The following MARCHF1 variants were observed in gnomAD, a reference collection of about 807,000 sequenced individuals.
MARCHF1 encodes E3 ubiquitin-protein ligase MARCHF1.
MARCHF1 carries 40 observed loss-of-function variants against 54.2 expected under a neutral mutation model. The observed-to-expected ratio is 0.74, with a 90% CI of 0.57 to 0.96. MARCHF1 has a LOEUF of 0.96. MARCHF1 is among the 40% of genes least tolerant of loss of function. MARCHF1 has a pLI of 0.00. For missense variants in MARCHF1, 586 were observed against 656.5 expected (o/e 0.89, Z 1.17); for synonymous variants, 236 against 236.3 (o/e 1.00, Z 0.01).
intron 2 of MARCHF1, among the ~76,000 whole-genome samples, chr4:164,069,349 A>G (rs56369620): frequency 0.74 from 112,389 of 152,090 alleles, 41,984 homozygotes; most frequent in Non-Finnish European, 0.79. Context: ...ACCCACTTGG[A>G]TCCCCTTCCA....
intron 2 of MARCHF1, among the ~76,000 whole-genome samples, chr4:164,101,958 G>C (rs1437112026): frequency 6.9e-6 from 1 of 145,248 alleles, no homozygotes; most frequent in Non-Finnish European, 1.5e-5. Flanking sequence ...CGAGAACTAC[G>C]TGAAGAATGC....
At chr4:163,702,419 A>G (rs1043910715) in intron 4 of MARCHF1, among the ~76,000 whole-genome samples, 8 of 152,188 alleles carry the variant, frequency 5.3e-5, no homozygotes, top group African/African-American at 1.9e-4. Flanking sequence ...GTCACATAAT[A>G]TAATAGGCTT....
intron 1 of MARCHF1, among the ~76,000 whole-genome samples, chr4:164,222,117 C>G (rs1732130615): frequency 6.6e-6 from 1 of 151,896 alleles, no homozygotes; most frequent in African/African-American, 2.4e-5. Flanking sequence ...AAGTGCCTTT[C>G]AAATTAATTC....
chr4:163,831,118 G>A lies in MARCHF1; in HGVS notation c.111+22903C>T, dbSNP rs369049860. On this transcript the variant is annotated intron_variant, in intron 4 of 9. Coordinates refer to ENST00000514618, the MANE Select transcript of MARCHF1 (RefSeq NM_001394959.1). ...AAAAATTTCTTCTGTCTTTCCTATG[G>A]CTAAATTCTCTTCGTAACTGACTCC... Among the ~76,000 whole-genome samples, 19 of 152,256 alleles carry A rather than the reference G, an allele frequency of 1.2e-4. 1 individual carries two copies. Among genetic ancestry groups the A allele is most frequent in the African/African-American group, 4.6e-4 (19 of 41,552 alleles).
intron 1 of MARCHF1, among the ~76,000 whole-genome samples, chr4:164,300,112 A>T (rs1734515078): frequency 6.6e-6 from 1 of 152,132 alleles, no homozygotes; most frequent in Non-Finnish European, 1.5e-5. Context: ...GAACACTTCT[A>T]AAACAATAGG....
rs569060752 is a variant in MARCHF1, at chr4:164,282,201, T to C, written c.-323+101669A>G. 2.6e-4 allele frequency among the ~76,000 whole-genome samples: 39 copies of C among 150,954 alleles called. 1 individual carries two copies. Among genetic ancestry groups the C allele is most frequent in the Admixed American group, 1.3e-3 (19 of 14,810 alleles). Reference sequence around the variant, plus strand: ...GCCCTCAACTACTACTTCTGTATCATTTGACTCCTTTCTGTATCATTTGAC... The same window carrying C: ...GCCCTCAACTACTACTTCTGTATCACTTGACTCCTTTCTGTATCATTTGAC... On this transcript the variant is annotated intron_variant, in intron 1 of 9. Coordinates refer to ENST00000514618, the MANE Select transcript of MARCHF1 (RefSeq NM_001394959.1).
chr4:163,854,609 C>T (rs1453106019), intron 3 of MARCHF1, among the ~76,000 whole-genome samples: 1 of 152,170 alleles, frequency 6.6e-6, no homozygotes, highest in South Asian at 2.1e-4. Context: ...AAATCGAATA[C>T]AGGCCAGTGA....
At chr4:163,760,687 A>G (rs1049593896) in intron 4 of MARCHF1, among the ~76,000 whole-genome samples, 1 of 152,214 alleles carries the variant, frequency 6.6e-6, no homozygotes, top group Non-Finnish European at 1.5e-5. Context: ...AATTGAGTAC[A>G]TATAAATTTC....
rs770418814 is a variant in MARCHF1 at position 163,612,919 on chromosome 4, C to T, written c.362G>A (p.Arg121Lys). Reference sequence around the variant, plus strand: ...CTCATATCTCTCAGAGGCTTTTCTCCTCCTCCTAGGTCTTTGTATTACTGA... The same window carrying T: ...CTCATATCTCTCAGAGGCTTTTCTCTTCCTCCTAGGTCTTTGTATTACTGA... ...KKSVIQRPRRRRKASERYEHA... is the reference protein window; with the variant it reads ...KKSVIQRPRRKRKASERYEHA... Residue 121 changes from arginine to lysine, a missense_variant, in exon 7 of 10, where the codon AGG becomes AAG. Around this residue, in one of 3 missense-constraint regions of MARCHF1, gnomAD observed 387 missense variants for 394.6 expected, o/e 0.98. Transcript: ENST00000514618. The T allele has an allele frequency of 6.5e-7, 1 of 1,535,442 alleles. No homozygotes were observed. The highest frequency in any genetic ancestry group is 8.7e-7 in the Non-Finnish European group (1 of 1,146,508).
chr4:164,054,003 GA>G (rs1293333261), intron 2 of MARCHF1, among the ~76,000 whole-genome samples: 2 of 151,904 alleles, frequency 1.3e-5, no homozygotes, highest in African/African-American at 2.4e-5. Context: ...CAACATGGGA[GA>G]AAATTTTCGC....
At chr4:163,852,243 A>G (rs1026918547) in intron 4 of MARCHF1, among the ~76,000 whole-genome samples, 1 of 152,120 alleles carries the variant, frequency 6.6e-6, no homozygotes, top group African/African-American at 2.4e-5. Flanking sequence ...TTCCTGGGCC[A>G]TGGTGCAAGC....
chr4:163,688,016 T>C (rs761311474), intron 5 of MARCHF1, among the ~76,000 whole-genome samples: 35 of 152,188 alleles, frequency 2.3e-4, no homozygotes, highest in Non-Finnish European at 4.9e-4. Flanking sequence ...TGGATTTATT[T>C]GGCCTAGTCA....
intron 4 of MARCHF1, among the ~76,000 whole-genome samples, chr4:163,736,325 G>C (rs1351594852): frequency 2.0e-5 from 3 of 152,138 alleles, no homozygotes; most frequent in Middle Eastern, 3.4e-3. Flanking sequence ...AGTGACTAAG[G>C]GGCAGGTGGC....
chr4:164,169,296 T>C (rs1310551868), intron 1 of MARCHF1, among the ~76,000 whole-genome samples: 1 of 152,124 alleles, frequency 6.6e-6, no homozygotes, highest in Non-Finnish European at 1.5e-5. Flanking sequence ...GAGGTGCTCC[T>C]TTTGTCTCTT....
At chr4:163,682,247 G>A (rs760826032) in intron 5 of MARCHF1, among the ~76,000 whole-genome samples, 2 of 152,164 alleles carry the variant, frequency 1.3e-5, no homozygotes, top group Non-Finnish European at 2.9e-5. Flanking sequence ...CAAAGTATTC[G>A]AGAGGAAACA....
chr4:163,992,876 G>C (rs1752994828), intron 2 of MARCHF1, among the ~76,000 whole-genome samples: 1 of 151,446 alleles, frequency 6.6e-6, no homozygotes, highest in African/African-American at 2.4e-5. Context: ...TCTGAAAATA[G>C]AAACAAGGTA....
chr4:163,530,599 A>G (rs1033666029), intron 9 of MARCHF1: 1 of 151,968 alleles, frequency 6.6e-6, no homozygotes, highest in African/African-American at 2.4e-5. Context: ...GTAAGAAAAC[A>G]TGAAAAGCCT....
At chr4:163,965,949 T>C (rs1579427289) in intron 3 of MARCHF1, among the ~76,000 whole-genome samples, 1 of 152,062 alleles carries the variant, frequency 6.6e-6, no homozygotes, top group East Asian at 1.9e-4. Flanking sequence ...TTTAGTGAAA[T>C]TTATGATATA....
At chr4:164,220,667 C>CTATATATGCATATAAGTAATATATATGA (rs559295765) in intron 1 of MARCHF1, among the ~76,000 whole-genome samples, 1 of 134,322 alleles carries the variant, frequency 7.4e-6, no homozygotes, top group Admixed American at 7.5e-5. Context: ...AATATATATG[C>CTATATATGCATATAAGTAATATATATGA]TATATGTATA....
Sources: allele counts gnomAD v4.1 joint callset (sites outside exome capture counted in the v4.1 genomes callset), GRCh38; gene constraint gnomAD v4.1.1; regional missense constraint gnomAD v4.1.1; transcripts MANE v1.5; gene names NCBI Gene and HGNC (gene_info 2026-07-23, HGNC 2026-07-21).